TLN2: variants seen among roughly 807,000 people sequenced by gnomAD.
TLN2 encodes the protein talin 2, also known as talin-2.
TLN2 carries 118 observed loss-of-function variants against 294.7 expected under a neutral mutation model. That is an observed-to-expected ratio of 0.40 (90% CI 0.34 to 0.47). The LOEUF (loss-of-function observed/expected upper bound fraction) is 0.47, where lower values mean the gene tolerates loss of function less well. TLN2 is among the 20% of genes least tolerant of loss of function. The pLI, the probability that TLN2 is intolerant of heterozygous loss-of-function variation, is 0.84. For missense variants in TLN2, 3,083 were observed against 3,282.2 expected (o/e 0.94, Z 1.48); for synonymous variants, 1,431 against 1,304.5 (o/e 1.10, Z -2.09).
At chr15:62,607,165 A>G (rs894561973) in intron 2 of TLN2, among the ~76,000 whole-genome samples, 1 of 152,134 alleles carries the variant, frequency 6.6e-6, no homozygotes, top group African/African-American at 2.4e-5. Flanking sequence ...CTGCCCTTCA[A>G]GCACCCTTGG....
intron 1 of TLN2, among the ~76,000 whole-genome samples, chr15:62,498,471 A>G (rs1322549638): frequency 1.3e-4 from 20 of 152,220 alleles, no homozygotes; most frequent in Admixed American, 4.6e-4. Context: ...AATTATGCAT[A>G]TACAGTAATC....
At chr15:62,696,536 G>A (rs2058350135) in intron 14 of TLN2, among the ~76,000 whole-genome samples, 2 of 152,192 alleles carry the variant, frequency 1.3e-5, no homozygotes, top group South Asian at 2.1e-4. Context: ...GTGAAACCCT[G>A]TCTCTACTAA....
Position 62,473,556 on chromosome 15 carries a change from CTTA to C in TLN2, c.-238+82877_-238+82879del, listed in dbSNP as rs147854247. 1.2e-3 allele frequency among the ~76,000 whole-genome samples: 178 copies of C among 152,206 alleles called. No homozygotes were observed. The East Asian group carries it at 0.029, about 25-fold the overall frequency. ...TGTTCCTAAACAATGTATGCTTTTGCTTATTATTCTTATTTTGAAAAATTGAGT... is the reference window on the plus strand; with the variant it reads ...TGTTCCTAAACAATGTATGCTTTTGCTTATTCTTATTTTGAAAAATTGAGT... On this transcript the variant is annotated intron_variant, in intron 1 of 58. Coordinates refer to ENST00000636159, the MANE Select transcript of TLN2 (RefSeq NM_015059.3).
chr15:62,755,780 T>C, intron 37 of TLN2, 87 bp downstream of exon 37: 5 of 1,507,336 alleles, frequency 3.3e-6, no homozygotes, highest in Non-Finnish European at 4.5e-6. Flanking sequence ...TCCACTCCTC[T>C]CCTTGTCTAG....
chr15:62,546,434 G>C (rs768493193), intron 1 of TLN2, among the ~76,000 whole-genome samples: 7 of 152,176 alleles, frequency 4.6e-5, no homozygotes, highest in Admixed American at 4.6e-4. Context: ...CCTTTTGCTT[G>C]TGCTGTGTTA....
chr15:62,494,397 G>A (rs779711789), intron 1 of TLN2, among the ~76,000 whole-genome samples: 6 of 152,156 alleles, frequency 3.9e-5, no homozygotes, highest in Admixed American at 6.5e-5. Flanking sequence ...TGTACATGGT[G>A]TTAATTCTCC....
intron 1 of TLN2, among the ~76,000 whole-genome samples, chr15:62,424,587 G>T (rs1406756464): frequency 6.6e-6 from 1 of 152,168 alleles, no homozygotes; most frequent in African/African-American, 2.4e-5. Context: ...CCACACCAGG[G>T]CCTAGCCCCA....
chr15:62,744,563 T>C (rs2061508640), intron 32 of TLN2, among the ~76,000 whole-genome samples: 1 of 151,906 alleles, frequency 6.6e-6, no homozygotes, highest in South Asian at 2.1e-4. Flanking sequence ...TATTTTTATT[T>C]TGAGATGGAA....
chr15:62,439,962 C>T (rs186661682), intron 1 of TLN2, among the ~76,000 whole-genome samples: 3 of 152,140 alleles, frequency 2.0e-5, no homozygotes, highest in East Asian at 1.9e-4. Context: ...GAAACAGGGG[C>T]GATGATACCA....
intron 1 of TLN2, among the ~76,000 whole-genome samples, chr15:62,422,301 G>A (rs975299289): frequency 2.6e-5 from 4 of 151,390 alleles, no homozygotes; most frequent in Middle Eastern, 3.5e-3. Context: ...CCTCATCAGA[G>A]GTGAATCACC....
At chr15:62,795,527 G>A (rs138773024) in intron 46 of TLN2, among the ~76,000 whole-genome samples, 1 of 152,130 alleles carries the variant, frequency 6.6e-6, no homozygotes, top group African/African-American at 2.4e-5. Context: ...TGATGGTTCG[G>A]GGGTGGATGA....
chr15:62,470,417 G>T (rs921614735), intron 1 of TLN2, among the ~76,000 whole-genome samples: 11 of 152,236 alleles, frequency 7.2e-5, no homozygotes, highest in Non-Finnish European at 1.2e-4. Flanking sequence ...TAAGTCAAAG[G>T]CCTGGGCCAG....
chr15:62,428,286 C>T (rs1664023499), intron 1 of TLN2, among the ~76,000 whole-genome samples: 2 of 152,194 alleles, frequency 1.3e-5, no homozygotes, highest in Non-Finnish European at 2.9e-5. Context: ...ACACCGGTGA[C>T]AGCTGACCTG....
intron 1 of TLN2, among the ~76,000 whole-genome samples, chr15:62,579,761 A>T (rs1226743184): frequency 6.6e-6 from 1 of 152,192 alleles, no homozygotes; most frequent in Non-Finnish European, 1.5e-5. Flanking sequence ...CCACTTGAGG[A>T]AGTCACATTC....
chr15:62,531,817 A>G (rs1185466572), intron 1 of TLN2, among the ~76,000 whole-genome samples: 3 of 152,056 alleles, frequency 2.0e-5, no homozygotes, highest in African/African-American at 4.8e-5. Context: ...CCCTAATACT[A>G]CTATGGATTT....
chr15:62,840,120 C>T (rs1235259620), intron 58 of TLN2, among the ~76,000 whole-genome samples: 2 of 152,178 alleles, frequency 1.3e-5, no homozygotes, highest in Non-Finnish European at 2.9e-5. Flanking sequence ...CATTGCTCAG[C>T]TTCAGATTTC....
intron 1 of TLN2, among the ~76,000 whole-genome samples, chr15:62,409,894 A>C (rs2033661105): frequency 6.6e-6 from 1 of 152,306 alleles, no homozygotes; most frequent in Admixed American, 6.5e-5. Flanking sequence ...CCTAAAGACA[A>C]GATTTTTAGT....
At chr15:62,418,309 T>C (rs890956137) in intron 1 of TLN2, among the ~76,000 whole-genome samples, 3 of 152,226 alleles carry the variant, frequency 2.0e-5, no homozygotes, top group African/African-American at 4.8e-5. Context: ...ATTGCAATGA[T>C]AGACTATTCT....
At chr15:62,838,755 C>T in intron 57 of TLN2, 101 bp from the exon 58 acceptor site, 1 of 1,451,100 alleles carries the variant, frequency 6.9e-7, no homozygotes, top group South Asian at 1.4e-5. Context: ...ATTGGATAAT[C>T]AATTGACTCA....
Sources: allele counts gnomAD v4.1 joint callset (sites outside exome capture counted in the v4.1 genomes callset), GRCh38; gene constraint gnomAD v4.1.1; transcripts MANE v1.5; gene names NCBI Gene and HGNC (gene_info 2026-07-23, HGNC 2026-07-21).